SDC2: variants seen among roughly 807,000 people sequenced by gnomAD.
SDC2 encodes syndecan 2, also known as syndecan-2.
Under a neutral mutation model 22.2 loss-of-function variants are expected in SDC2, and 13 were observed. The ratio of observed to expected loss-of-function variants is 0.59; its 90% CI spans 0.38 to 0.93. The LOEUF is 0.93. Among genes scored for constraint, SDC2 ranks in the 40% least tolerant of loss-of-function variants. SDC2 has a pLI of 0.00. For missense variants in SDC2, 235 were observed against 246.8 expected, an observed-to-expected ratio of 0.95 and a Z score of 0.32; for synonymous variants, 94 against 92.8, an observed-to-expected ratio of 1.01 and a Z score of -0.07.
chr8:96,531,476 G>A (rs756454055), intron 1 of SDC2, among the ~76,000 whole-genome samples: 39 of 152,024 alleles, frequency 2.6e-4, no homozygotes, highest in Non-Finnish European at 4.4e-4. Flanking sequence ...TTAAGATTAC[G>A]ATGCTAAAAA....
rs375281497 is a variant in SDC2, at chr8:96,610,375, C to G, written c.*827C>G. ...GTTAATTTCTTGCAATTTGAAGGTA[C>G]GAGTAGAGGTTTAAAGAAAAATCAG... On this transcript the variant is annotated 3_prime_UTR_variant, in exon 5 of 5. Transcript: ENST00000302190. 6.6e-6 allele frequency: 1 copy of G among 152,524 alleles called. No homozygotes were observed. The highest frequency in any genetic ancestry group is 1.5e-5 in the Non-Finnish European group (1 of 68,024). 9.4% of individuals were successfully genotyped at this position (152,524 alleles called of 1,614,324 possible). A position where few individuals can be genotyped will look rare whatever the true frequency, so the allele number is the denominator to read the frequency against.
chr8:96,495,396 G>A (rs988502169), intron 1 of SDC2, among the ~76,000 whole-genome samples: 5 of 152,168 alleles, frequency 3.3e-5, no homozygotes, highest in African/African-American at 1.2e-4. Context: ...AAAGGGAACT[G>A]CCTCCTTGGC....
At chr8:96,508,336 A>G (rs1206700809) in intron 1 of SDC2, among the ~76,000 whole-genome samples, 2 of 103,674 alleles carry the variant, frequency 1.9e-5, no homozygotes, top group African/African-American at 7.4e-5. Context: ...TAATAATAAT[A>G]ATAATAATTA....
At chr8:96,568,250 C>G (rs1384491928) in intron 1 of SDC2, among the ~76,000 whole-genome samples, 1 of 152,152 alleles carries the variant, frequency 6.6e-6, no homozygotes, top group African/African-American at 2.4e-5. Flanking sequence ...AAGAATATAC[C>G]TTGTGGGGGT....
intron 1 of SDC2, among the ~76,000 whole-genome samples, chr8:96,513,817 C>G (rs1176270223): frequency 1.3e-5 from 2 of 152,094 alleles, no homozygotes; most frequent in African/African-American, 4.8e-5. Flanking sequence ...ATGGAACAGG[C>G]TACTTAAGCA....
chr8:96,499,295 A>T (rs1813123910), intron 1 of SDC2, among the ~76,000 whole-genome samples: 1 of 152,240 alleles, frequency 6.6e-6, no homozygotes, highest in African/African-American at 2.4e-5. Flanking sequence ...CATTGAAAGT[A>T]TGTGAAAATA....
chr8:96,563,032 C>G (rs1439809660), intron 1 of SDC2, among the ~76,000 whole-genome samples: 3 of 152,196 alleles, frequency 2.0e-5, no homozygotes, highest in Non-Finnish European at 4.4e-5. Flanking sequence ...TCCTTTCTCT[C>G]CAATTACTGT....
At chr8:96,502,887 G>A (rs979197860) in intron 1 of SDC2, among the ~76,000 whole-genome samples, 1 of 152,176 alleles carries the variant, frequency 6.6e-6, no homozygotes, top group Admixed American at 6.5e-5. Context: ...CTGGCTTTCT[G>A]CTTCTCTGAA....
At chr8:96,499,820 C>G (rs1273326557) in intron 1 of SDC2, among the ~76,000 whole-genome samples, 1 of 151,546 alleles carries the variant, frequency 6.6e-6, no homozygotes, top group South Asian at 2.1e-4. Flanking sequence ...ATGTTCTTAC[C>G]TCTCTGACAT....
intron 3 of SDC2, among the ~76,000 whole-genome samples, chr8:96,608,034 G>C (rs1257792517): frequency 6.6e-6 from 1 of 152,160 alleles, no homozygotes; most frequent in African/African-American, 2.4e-5. Context: ...AGAGTGGTGA[G>C]AAAGTAGAAA....
At chr8:96,596,621 G>A (rs1186563127) in intron 2 of SDC2, among the ~76,000 whole-genome samples, 2 of 152,156 alleles carry the variant, frequency 1.3e-5, no homozygotes, top group African/African-American at 4.8e-5. Context: ...ACCCGGTGAG[G>A]GGTGACATAA....
intron 1 of SDC2, among the ~76,000 whole-genome samples, chr8:96,534,163 G>A (rs915907799): frequency 1.3e-5 from 2 of 152,182 alleles, no homozygotes; most frequent in Non-Finnish European, 2.9e-5. Flanking sequence ...AGCGCCGTGC[G>A]CAGCCCCGGT....
chr8:96,532,985 C>T (rs115774832), intron 1 of SDC2, among the ~76,000 whole-genome samples: 1,788 of 152,226 alleles, frequency 0.012, 30 homozygotes, highest in African/African-American at 0.041. Flanking sequence ...AGAATGAAGC[C>T]GCAGACCCTT....
At chr8:96,570,540 G>A (rs1447093894) in intron 1 of SDC2, among the ~76,000 whole-genome samples, 2 of 152,012 alleles carry the variant, frequency 1.3e-5, no homozygotes, top group Non-Finnish European at 2.9e-5. Context: ...AAATAATTTC[G>A]GCTGAGAAAG....
chr8:96,595,497 A>G (rs1814857819), intron 2 of SDC2, among the ~76,000 whole-genome samples: 1 of 147,648 alleles, frequency 6.8e-6, no homozygotes, highest in Non-Finnish European at 1.5e-5. Flanking sequence ...TCTTTCACTC[A>G]TGGCACCTCT....
intron 1 of SDC2, among the ~76,000 whole-genome samples, chr8:96,515,418 T>G (rs1256789931): frequency 6.6e-6 from 1 of 152,204 alleles, no homozygotes; most frequent in Non-Finnish European, 1.5e-5. Context: ...CTCGGATTTC[T>G]TCCTCACAGA....
At chr8:96,561,595 A>G (rs1203835269) in intron 1 of SDC2, among the ~76,000 whole-genome samples, 1 of 152,208 alleles carries the variant, frequency 6.6e-6, no homozygotes, top group African/African-American at 2.4e-5. Context: ...TTGTTGTTAG[A>G]TGGCCCAACA....
intron 3 of SDC2, among the ~76,000 whole-genome samples, chr8:96,605,935 C>A (rs560782598): frequency 7.2e-5 from 11 of 152,294 alleles, no homozygotes; most frequent in African/African-American, 2.4e-4. Context: ...GGTGTGAGGT[C>A]TTTTCTTCTT....
chr8:96,595,798 A>G (rs1267523738), intron 2 of SDC2, among the ~76,000 whole-genome samples: 1 of 152,190 alleles, frequency 6.6e-6, no homozygotes, highest in African/African-American at 2.4e-5. Context: ...CCCTGCCCCC[A>G]TCCAGGTAAA....
Sources: gnomAD v4.1 joint callset for allele counts (sites outside exome capture counted in the v4.1 genomes callset) on GRCh38, gnomAD v4.1.1 for gene constraint, MANE v1.5 for transcripts, NCBI Gene and HGNC (gene_info 2026-07-23, HGNC 2026-07-21) for gene names.